The following ITGB5 variants were observed in gnomAD, a reference collection of about 807,000 sequenced individuals.
ITGB5 encodes integrin subunit beta 5, also known as integrin beta-5.
Under a neutral mutation model 84.8 loss-of-function variants are expected in ITGB5, and 38 were observed. The observed-to-expected ratio is 0.45, with a 90% CI of 0.35 to 0.59. The LOEUF (loss-of-function observed/expected upper bound fraction) is 0.59. ITGB5 is among the 20% of genes least tolerant of loss of function. ITGB5 has a pLI of 0.01. For synonymous variants in ITGB5, 393 were observed against 414.4 expected, an observed-to-expected ratio of 0.95 and a Z score of 0.63; for missense variants, 905 against 1,034.5, an observed-to-expected ratio of 0.87 and a Z score of 1.72.
At chr3:124,770,501 T>TTAAC (rs1026407022) in intron 11 of ITGB5, among the ~76,000 whole-genome samples, 2 of 152,230 alleles carry the variant, frequency 1.3e-5, no homozygotes, top group African/African-American at 4.8e-5. Flanking sequence ...CATCTGTTTC[T>TTAAC]TAACTCCTCG....
At chr3:124,800,036 G>A (rs532231534) in intron 9 of ITGB5, among the ~76,000 whole-genome samples, 6 of 152,156 alleles carry the variant, frequency 3.9e-5, no homozygotes, top group Non-Finnish European at 7.3e-5. Context: ...GAGCTTTGAG[G>A]GGCAGATGCC....
At chr3:124,841,170 A>G (rs2107593517) in intron 5 of ITGB5, among the ~76,000 whole-genome samples, 1 of 152,318 alleles carries the variant, frequency 6.6e-6, no homozygotes. Context: ...ACCCTGACAC[A>G]GAGACACAGA....
intron 7 of ITGB5, among the ~76,000 whole-genome samples, chr3:124,817,986 G>A (rs539505351): frequency 7.9e-5 from 12 of 152,152 alleles, no homozygotes; most frequent in African/African-American, 1.9e-4. Flanking sequence ...TTGAGACCCC[G>A]CCCCTCCCAC....
chr3:124,888,018 A>G (rs939195204), upstream of ITGB5, among the ~76,000 whole-genome samples: 2 of 151,336 alleles, frequency 1.3e-5, no homozygotes, highest in African/African-American at 4.9e-5. Context: ...CTGGGCTCAA[A>G]GGTTCCTCCA....
At chr3:124,769,272 G>C (rs1324089675) in intron 11 of ITGB5, 159 bp from the exon 12 acceptor site, 15 of 604,212 alleles carry the variant, frequency 2.5e-5, no homozygotes, top group Non-Finnish European at 3.8e-5. Context: ...CTTTCTTCTT[G>C]TTATGGGAGG....
intron 13 of ITGB5, 82 bp downstream of exon 13, chr3:124,766,144 G>T: frequency 7.0e-7 from 1 of 1,431,336 alleles, no homozygotes; most frequent in South Asian, 1.3e-5. Flanking sequence ...AGAAAGGGCA[G>T]TGGTCCCAGA....
intron 10 of ITGB5, among the ~76,000 whole-genome samples, chr3:124,794,920 G>A (rs2107513033): frequency 6.6e-6 from 1 of 152,286 alleles, no homozygotes; most frequent in Admixed American, 6.5e-5. Flanking sequence ...TAAGCAGAAT[G>A]TCCAAATCAC....
chr3:124,836,211 A>AT (rs1021123705), intron 5 of ITGB5, among the ~76,000 whole-genome samples: 20 of 89,194 alleles, frequency 2.2e-4, no homozygotes, highest in African/African-American at 1.1e-3. Flanking sequence ...GGAATGTATT[A>AT]TTAAAAAAAA....
chr3:124,769,254 T>A (rs2291083), intron 11 of ITGB5, 141 bp from the exon 12 acceptor site: 10,036 of 641,134 alleles, frequency 0.016, 166 homozygotes, highest in East Asian at 0.041. Context: ...GGAATGTTTC[T>A]GCTCTGCCTT....
In ITGB5 at chr3:124,848,485, G is replaced by T. The variant is rs749539042; in HGVS notation, c.435C>A (p.Asp145Glu). 1 of 1,614,170 alleles carries T rather than the reference G, an allele frequency of 6.2e-7. No homozygotes were observed. Among genetic ancestry groups the T allele is most frequent in the Non-Finnish European group, 8.5e-7 (1 of 1,180,016 alleles). The change falls in exon 4 of 15, where the codon GAC (aspartate) becomes GAA (glutamate). Residue 145 changes from aspartate (D) to glutamate (E), a missense_variant. Asp to Glu is a conservative substitution (Grantham distance 45). Coordinates refer to ENST00000296181, the MANE Select transcript of ITGB5 (RefSeq NM_002213.5). ...DYPVDLYYLMDLSLSMKDDLD... is the reference protein window; with the variant it reads ...DYPVDLYYLMELSLSMKDDLD... ...AGTCATCCTTCATGGACAGGGAGAG[G>T]TCCATCAGGTAGTACAGGTCCACAG...
At chr3:124,774,164 G>A (rs369952637) in intron 10 of ITGB5, among the ~76,000 whole-genome samples, 1 of 152,236 alleles carries the variant, frequency 6.6e-6, no homozygotes, top group East Asian at 1.9e-4. Context: ...TGGCCAAGTT[G>A]GGCCACAGGG....
chr3:124,863,444 T>C (rs773170253), intron 2 of ITGB5: 2 of 152,210 alleles, frequency 1.3e-5, no homozygotes, highest in Non-Finnish European at 2.9e-5. Flanking sequence ...GAACTGAGAG[T>C]GCTGCGGACT....
chr3:124,884,417 G>A (rs950790198), intron 1 of ITGB5, among the ~76,000 whole-genome samples: 8 of 152,210 alleles, frequency 5.3e-5, no homozygotes, highest in African/African-American at 1.9e-4. Flanking sequence ...GAGATGGGCA[G>A]AGGCCAGCCG....
intron 1 of ITGB5, among the ~76,000 whole-genome samples, chr3:124,893,008 T>C (rs1259225379): frequency 4.6e-5 from 7 of 152,216 alleles, no homozygotes; most frequent in African/African-American, 1.7e-4. Flanking sequence ...TTAGTAGTCA[T>C]GCCTAGGATT....
At chr3:124,801,477 CACAGA>C (rs2064314955) in intron 9 of ITGB5, among the ~76,000 whole-genome samples, 3 of 152,170 alleles carry the variant, frequency 2.0e-5, no homozygotes, top group Admixed American at 2.0e-4. Context: ...ACAGGGTTGT[CACAGA>C]ACCACAGCCT....
intron 1 of ITGB5, among the ~76,000 whole-genome samples, chr3:124,896,916 C>A (rs1288441408): frequency 1.2e-4 from 16 of 137,524 alleles, no homozygotes; most frequent in African/African-American, 1.9e-4. Context: ...AAAGAAAAGC[C>A]AAAAAAAAAA....
At position 124,806,652 on chromosome 3, in the gene ITGB5, T is replaced by C. The variant is rs113154660; in HGVS notation, c.1263+2370A>G. On this transcript the variant is annotated intron_variant, in intron 9 of 14. Coordinates refer to ENST00000296181, the MANE Select transcript of ITGB5 (RefSeq NM_002213.5). Reference sequence around the variant, plus strand: ...CGGGGTTTCACCGTGTTAGCCAGGATGGTCTCGATCTCCTAACTTCATGAT... The same window carrying C: ...CGGGGTTTCACCGTGTTAGCCAGGACGGTCTCGATCTCCTAACTTCATGAT... 2.9e-3 allele frequency among the ~76,000 whole-genome samples: 441 copies of C among 152,050 alleles called. 2 individuals are homozygous for C. The highest frequency in any genetic ancestry group is 0.01 in the African/African-American group (427 of 41,454).
At chr3:124,811,809 G>A (rs763543714) in intron 8 of ITGB5, among the ~76,000 whole-genome samples, 1 of 152,180 alleles carries the variant, frequency 6.6e-6, no homozygotes, top group Admixed American at 6.5e-5. Context: ...AACCTCTCAT[G>A]TATGGAAGCT....
intron 2 of ITGB5, among the ~76,000 whole-genome samples, chr3:124,869,996 C>G (rs1340289981): frequency 6.6e-6 from 1 of 152,228 alleles, no homozygotes; most frequent in Non-Finnish European, 1.5e-5. Flanking sequence ...CACAAGTCCT[C>G]TCATGCACGG....
Sources: allele counts gnomAD v4.1 joint callset (sites outside exome capture counted in the v4.1 genomes callset), GRCh38; gene constraint gnomAD v4.1.1; transcripts MANE v1.5; gene names NCBI Gene and HGNC (gene_info 2026-07-23, HGNC 2026-07-21).